AGBL1: variants seen among roughly 807,000 people sequenced by gnomAD.
AGBL1 encodes cytosolic carboxypeptidase 4.
In AGBL1, 130 loss-of-function variants were observed where a neutral mutation model predicts 118.9. That is an observed-to-expected ratio of 1.09 (90% CI 0.95 to 1.26). The LOEUF (loss-of-function observed/expected upper bound fraction) is 1.26. Ranked by LOEUF, AGBL1 falls within the 50% of genes most tolerant of loss-of-function variation. The probability of loss-of-function intolerance (pLI) is 0.00; values close to 1 mark genes in which losing one functional copy is unlikely to be tolerated. For missense variants in AGBL1, 1,584 were observed against 1,298.1 expected (o/e 1.22, Z -3.38); for synonymous variants, 555 against 478.9 (o/e 1.16, Z -2.08).
At chr15:86,714,629 A>G (rs1464500042) in intron 22 of AGBL1, among the ~76,000 whole-genome samples, 1 of 152,216 alleles carries the variant, frequency 6.6e-6, no homozygotes, top group Admixed American at 6.5e-5. Context: ...AACCTTTCAG[A>G]GCAGGCATGA....
At chr15:86,988,172 T>C in intron 24 of AGBL1, 2 of 1,513,050 alleles carry the variant, frequency 1.3e-6, no homozygotes, top group Non-Finnish European at 9.0e-7. Context: ...ACATTGGGAC[T>C]GGACAAAGAG....
At chr15:86,133,344 G>C (rs2076843200) in intron 1 of AGBL1, among the ~76,000 whole-genome samples, 1 of 151,920 alleles carries the variant, frequency 6.6e-6, no homozygotes, top group Non-Finnish European at 1.5e-5. Context: ...TTATCTTTCA[G>C]CTCTCAGCTT....
chr15:86,782,362 T>C (rs2078347851), intron 22 of AGBL1, among the ~76,000 whole-genome samples: 1 of 152,166 alleles, frequency 6.6e-6, no homozygotes, highest in African/African-American at 2.4e-5. Context: ...TTCCAAGATA[T>C]ATATTATTCC....
intron 18 of AGBL1, among the ~76,000 whole-genome samples, chr15:86,515,867 G>A (rs1465126056): frequency 1.3e-5 from 2 of 152,210 alleles, no homozygotes; most frequent in Non-Finnish European, 2.9e-5. Context: ...CACAGCCTCA[G>A]CAGTCCTGAT....
At chr15:86,385,360 T>C (rs2116207) in intron 17 of AGBL1, among the ~76,000 whole-genome samples, 55,702 of 152,076 alleles carry the variant, frequency 0.37, 11,349 homozygotes, top group East Asian at 0.74. Context: ...CTTTGCTCCT[T>C]AAAAGTCTGA....
At chr15:86,127,029 G>T (rs2076756291) in intron 1 of AGBL1, among the ~76,000 whole-genome samples, 1 of 152,134 alleles carries the variant, frequency 6.6e-6, no homozygotes, top group African/African-American at 2.4e-5. Context: ...AGATGAGGAG[G>T]CTACACTATA....
chr15:86,362,750 A>G (rs986463200), intron 17 of AGBL1, among the ~76,000 whole-genome samples: 6 of 152,160 alleles, frequency 3.9e-5, no homozygotes, highest in Non-Finnish European at 8.8e-5. Context: ...GCAGGGCTAG[A>G]GCTGAGTCAC....
At chr15:86,534,146 T>C (rs921642018) in intron 19 of AGBL1, among the ~76,000 whole-genome samples, 7 of 151,680 alleles carry the variant, frequency 4.6e-5, no homozygotes, top group African/African-American at 1.7e-4. Flanking sequence ...ATTGTCCTTT[T>C]CTTTGAGGAA....
intron 23 of AGBL1, among the ~76,000 whole-genome samples, chr15:86,970,024 G>T (rs768247387): frequency 6.6e-6 from 1 of 151,824 alleles, no homozygotes; most frequent in Non-Finnish European, 1.5e-5. Flanking sequence ...GCTTTACAGG[G>T]AAGAGTTGTA....
chr15:86,294,456 T>C (rs2079600486), intron 16 of AGBL1, among the ~76,000 whole-genome samples: 1 of 147,190 alleles, frequency 6.8e-6, no homozygotes, highest in African/African-American at 2.5e-5. Flanking sequence ...CTAATTTCAA[T>C]GGCTATTTCA....
At chr15:86,886,013 A>T (rs1242109678) in intron 22 of AGBL1, among the ~76,000 whole-genome samples, 1 of 152,266 alleles carries the variant, frequency 6.6e-6, no homozygotes, top group Non-Finnish European at 1.5e-5. Context: ...CAAGATAACA[A>T]AATAGAGTCT....
intron 18 of AGBL1, among the ~76,000 whole-genome samples, chr15:86,483,494 A>T (rs1380947200): frequency 6.6e-6 from 1 of 152,106 alleles, no homozygotes; most frequent in Non-Finnish European, 1.5e-5. Flanking sequence ...CTCCCATCCC[A>T]TCATGGCCAG....
chr15:86,826,126 G>A (rs965706791), intron 22 of AGBL1, among the ~76,000 whole-genome samples: 1 of 151,996 alleles, frequency 6.6e-6, no homozygotes, highest in Non-Finnish European at 1.5e-5. Flanking sequence ...ACTTATTTGT[G>A]TGTGTATGTA....
chr15:86,841,829 A>T (rs2079250237), intron 22 of AGBL1, among the ~76,000 whole-genome samples: 1 of 152,168 alleles, frequency 6.6e-6, no homozygotes, highest in East Asian at 1.9e-4. Context: ...CCTGGGCAAC[A>T]AGAGTGAAAC....
intron 17 of AGBL1, among the ~76,000 whole-genome samples, chr15:86,314,124 T>C (rs2079961865): frequency 6.6e-6 from 1 of 152,184 alleles, no homozygotes; most frequent in Admixed American, 6.5e-5. Flanking sequence ...TAGTCTATCT[T>C]TGAGGTTTGG....
At chr15:86,616,365 A>T (rs868542750) in intron 21 of AGBL1, among the ~76,000 whole-genome samples, 1,503 of 94,244 alleles carry the variant, frequency 0.016, 18 homozygotes, top group Middle Eastern at 0.029. Context: ...AAAAAAAAAA[A>T]AAAAAAATGA....
intron 22 of AGBL1, among the ~76,000 whole-genome samples, chr15:86,816,368 A>G (rs1238678327): frequency 1.2e-4 from 19 of 152,208 alleles, no homozygotes; most frequent in Non-Finnish European, 1.5e-5. Flanking sequence ...GAAAAGACAC[A>G]TTTGCACCCG....
intron 22 of AGBL1, among the ~76,000 whole-genome samples, chr15:86,898,978 G>A (rs887629700): frequency 6.6e-6 from 1 of 152,140 alleles, no homozygotes; most frequent in Non-Finnish European, 1.5e-5. Flanking sequence ...AAAATACAGT[G>A]GTGATTCCTC....
In AGBL1 at chr15:86,805,339, C is replaced by G. The variant is rs117328844; in HGVS notation, c.3159-101748C>G. Reference sequence around the variant, plus strand: ...GCAAAAGTCTCCTCTGTGAATTGTTCCAGCACGCCACAAGACTTTCTGCAA... The same window carrying G: ...GCAAAAGTCTCCTCTGTGAATTGTTGCAGCACGCCACAAGACTTTCTGCAA... On this transcript the variant is annotated intron_variant, in intron 22 of 22. Coordinates refer to ENST00000614907, the MANE Select transcript of AGBL1 (RefSeq NM_001386094.1). 8.4e-3 allele frequency among the ~76,000 whole-genome samples: 1,276 copies of G among 152,142 alleles called. 10 individuals are homozygous for G. Among genetic ancestry groups the G allele is most frequent in the Middle Eastern group, 0.017 (5 of 294 alleles).
Sources: allele counts gnomAD v4.1 joint callset (sites outside exome capture counted in the v4.1 genomes callset), GRCh38; gene constraint gnomAD v4.1.1; transcripts MANE v1.5; gene names NCBI Gene and HGNC (gene_info 2026-07-23, HGNC 2026-07-21).